The following CASK variants were observed in gnomAD, a reference collection of about 807,000 sequenced individuals.
The protein encoded by CASK is peripheral plasma membrane protein CASK.
CASK carries 4 observed loss-of-function variants against 82.9 expected under a neutral mutation model. The observed-to-expected ratio is 0.05, with a 90% CI of 0.02 to 0.11. The LOEUF (loss-of-function observed/expected upper bound fraction) is 0.11, where lower values mean the gene tolerates loss of function less well. CASK is among the 10% of genes least tolerant of loss of function. CASK has a pLI of 1.00. For synonymous variants in CASK, 259 were observed against 253.5 expected (o/e 1.02, Z -0.20); for missense variants, 358 against 720.9 (o/e 0.50, Z 5.76).
chrX:41,906,813 A>G (rs1347729385), intron 1 of CASK, among the ~76,000 whole-genome samples: 1 of 113,087 alleles, frequency 8.8e-6, no homozygotes, highest in Non-Finnish European at 1.9e-5. Flanking sequence ...TGGGACAGTA[A>G]CACTGCTCTT....
intron 1 of CASK, among the ~76,000 whole-genome samples, chrX:41,901,506 A>T (rs955219261): frequency 2.7e-5 from 3 of 109,833 alleles, no homozygotes; most frequent in Non-Finnish European, 3.8e-5. Flanking sequence ...AAAAAAAAGA[A>T]GAAGAAGTAG....
At chrX:41,686,627 T>C (rs772721004) in intron 5 of CASK, among the ~76,000 whole-genome samples, 4 of 111,385 alleles carry the variant, frequency 3.6e-5, no homozygotes, top group Non-Finnish European at 7.5e-5. Context: ...TAAGGAAATA[T>C]ACTAGGACTG....
chrX:41,806,656 G>C (rs761913290), intron 2 of CASK, among the ~76,000 whole-genome samples: 7 of 111,606 alleles, frequency 6.3e-5, no homozygotes, highest in African/African-American at 1.3e-4. Flanking sequence ...GCTTTAAAAA[G>C]AAAAAAGGAC....
At chrX:41,881,310 G>GT (rs1302787485) in intron 1 of CASK, among the ~76,000 whole-genome samples, 1 of 111,776 alleles carries the variant, frequency 8.9e-6, no homozygotes, top group Non-Finnish European at 1.9e-5. Flanking sequence ...ATGTTATGGA[G>GT]TTTGAAAGAC....
At chrX:41,922,437 C>G (rs1245668215) in intron 1 of CASK, among the ~76,000 whole-genome samples, 1 of 111,733 alleles carries the variant, frequency 8.9e-6, no homozygotes, top group Non-Finnish European at 1.9e-5. Flanking sequence ...AGCACCCCGT[C>G]TTAAATGACC....
chrX:41,903,125 A>G (rs924630571), intron 1 of CASK, among the ~76,000 whole-genome samples: 4 of 112,437 alleles, frequency 3.6e-5, no homozygotes, highest in Admixed American at 9.4e-5. Context: ...ATTCTTGCTT[A>G]TATCTTGCGA....
rs781033171 is a variant in CASK at position 41,721,953 on chromosome X, G to A, written c.429+17431C>T. On this transcript the variant is annotated intron_variant, in intron 5 of 26. Transcript: ENST00000378163. ...ACATATTAATCTAAATTCTTGGCTT[G>A]CTTGTGGAATCTGCTCAATTTCCAG... Among the ~76,000 whole-genome samples, 139 of 112,119 alleles carry A rather than the reference G, an allele frequency of 1.2e-3. 2 individuals carry two copies. The highest frequency in any genetic ancestry group is 4.4e-3 in the African/African-American group (135 of 30,904).
At chrX:41,703,791 C>T (rs1048453431) in intron 5 of CASK, among the ~76,000 whole-genome samples, 1 of 112,277 alleles carries the variant, frequency 8.9e-6, no homozygotes, top group African/African-American at 3.2e-5. Context: ...AGTGATTTTA[C>T]CAATTTATAT....
chrX:41,882,052 T>C (rs2071962780), intron 1 of CASK, among the ~76,000 whole-genome samples: 1 of 111,483 alleles, frequency 9.0e-6, no homozygotes, highest in African/African-American at 3.3e-5. Context: ...ATAAAATGTT[T>C]ACCACTGTGC....
At chrX:41,830,601 AT>A (rs996853977) in intron 2 of CASK, among the ~76,000 whole-genome samples, 7 of 108,403 alleles carry the variant, frequency 6.5e-5, no homozygotes, top group Non-Finnish European at 1.3e-4. Context: ...TGGGCGGATC[AT>A]GAAGTCAGTA....
intron 5 of CASK, chrX:41,696,241 T>C: frequency 8.3e-7 from 1 of 1,207,276 alleles, no homozygotes; most frequent in Non-Finnish European, 1.1e-6. Context: ...AATTCCACAA[T>C]GTGTTTCCAT....
intron 2 of CASK, among the ~76,000 whole-genome samples, chrX:41,842,425 T>A (rs755251461): frequency 3.7e-5 from 4 of 109,224 alleles, no homozygotes; most frequent in Non-Finnish European, 7.6e-5. Flanking sequence ...ACAAAAAAAA[T>A]AGCCAGGTGT....
At chrX:41,663,554 C>A (rs1245586669) in intron 7 of CASK, among the ~76,000 whole-genome samples, 3 of 111,802 alleles carry the variant, frequency 2.7e-5, no homozygotes, top group Non-Finnish European at 5.7e-5. Flanking sequence ...TACCAAGAAA[C>A]AAAAATAACT....
In CASK at chrX:41,545,476, C is replaced by T. The variant is rs182045076; in HGVS notation, c.2040-2670G>A. On this transcript the variant is annotated intron_variant, in intron 21 of 26. Coordinates refer to ENST00000378163, the MANE Select transcript of CASK (RefSeq NM_001367721.1). ...CTGTCACACATCAAGTGTCCATTTA[C>T]GTATGAGAGTGTTTTCAGGTTCTCT... 1.9e-4 allele frequency among the ~76,000 whole-genome samples: 21 copies of T among 112,388 alleles called. No homozygotes were observed. In the South Asian group the frequency reaches 5.2e-3, roughly 28 times the overall value.
chrX:41,619,034 G>C (rs926617541), intron 11 of CASK, among the ~76,000 whole-genome samples: 2 of 108,230 alleles, frequency 1.8e-5, no homozygotes, highest in Non-Finnish European at 3.8e-5. Flanking sequence ...GTTTCACCGT[G>C]TTAGCCAGGA....
chrX:41,626,222 T>C (rs1396560472), intron 10 of CASK, among the ~76,000 whole-genome samples: 1 of 110,835 alleles, frequency 9.0e-6, no homozygotes, highest in Non-Finnish European at 1.9e-5. Flanking sequence ...TCTGATCTAA[T>C]ACGACTGACC....
chrX:41,597,906 A>G (rs760715520), intron 12 of CASK, among the ~76,000 whole-genome samples: 15 of 110,648 alleles, frequency 1.4e-4, no homozygotes, highest in Non-Finnish European at 2.5e-4. Context: ...TGGGAGGCCA[A>G]GGTGGGCAGA....
intron 5 of CASK, chrX:41,727,128 T>C (rs757943291): frequency 8.4e-7 from 1 of 1,193,632 alleles, no homozygotes; most frequent in Admixed American, 2.2e-5. Flanking sequence ...TTGGAAACAC[T>C]CTCTCTCAAT....
intron 3 of CASK, among the ~76,000 whole-genome samples, chrX:41,747,632 G>A (rs892579008): frequency 1.8e-5 from 2 of 111,441 alleles, no homozygotes; most frequent in Non-Finnish European, 3.8e-5. Flanking sequence ...TAGTAGAGAC[G>A]GGGTTTCACC....
Sources: gnomAD v4.1 joint callset for allele counts (sites outside exome capture counted in the v4.1 genomes callset) on GRCh38, gnomAD v4.1.1 for gene constraint, MANE v1.5 for transcripts, NCBI Gene and HGNC (gene_info 2026-07-23, HGNC 2026-07-21) for gene names.